Variants in CACNA1E observed in about 807,000 individuals in gnomAD.
CACNA1E encodes the protein voltage-dependent R-type calcium channel subunit alpha-1E.
In CACNA1E, 40 loss-of-function variants were observed where a neutral mutation model predicts 259.2. That is an observed-to-expected ratio of 0.15 (90% CI 0.12 to 0.20). CACNA1E has a LOEUF of 0.20. Ranked by LOEUF, CACNA1E falls within the 10% of genes least tolerant of loss-of-function variation. The pLI, the probability that CACNA1E is intolerant of heterozygous loss-of-function variation, is 1.00. For missense variants in CACNA1E, 1,874 were observed against 3,040.1 expected (o/e 0.62, Z 9.02); for synonymous variants, 1,104 against 1,138.5 (o/e 0.97, Z 0.61).
At chr1:181,531,567 G>T (rs1402222471) in intron 3 of CACNA1E, among the ~76,000 whole-genome samples, 5 of 152,220 alleles carry the variant, frequency 3.3e-5, no homozygotes. Context: ...GCTGGGCAGG[G>T]CGGGAGGTAT....
upstream of CACNA1E, among the ~76,000 whole-genome samples, chr1:181,479,158 C>T (rs578173716): frequency 1.3e-5 from 2 of 152,282 alleles, no homozygotes; most frequent in East Asian, 3.9e-4. Context: ...TGTGGGGCTG[C>T]ACTTTCCAAC....
chr1:181,437,398 G>A (rs1381617399), intron 2 of CACNA1E, among the ~76,000 whole-genome samples: 3 of 151,720 alleles, frequency 2.0e-5, no homozygotes, highest in Admixed American at 6.6e-5. Flanking sequence ...TACCTCATAC[G>A]CCTCTTTATC....
intron 7 of CACNA1E, among the ~76,000 whole-genome samples, chr1:181,686,284 T>TGTTTTTTTTTG (rs1650547329): frequency 8.2e-6 from 1 of 122,522 alleles, no homozygotes; most frequent in Non-Finnish European, 1.7e-5. Context: ...AGTTTTTTTT[T>TGTTTTTTTTTG]TTTTTTTTTT....
At chr1:181,784,876 T>C in intron 41 of CACNA1E, 108 bp downstream of exon 41, 1 of 678,420 alleles carries the variant, frequency 1.5e-6, no homozygotes, top group Non-Finnish European at 2.6e-6. Flanking sequence ...GTTTGCCCTT[T>C]TCAATTAATA....
At chr1:181,454,149 AT>A (rs1661319022) in intron 2 of CACNA1E, among the ~76,000 whole-genome samples, 1 of 152,154 alleles carries the variant, frequency 6.6e-6, no homozygotes, top group South Asian at 2.1e-4. Flanking sequence ...CAAGGGCTTC[AT>A]GGTGGGATCA....
At chr1:181,627,698 T>C (rs1656326301) in intron 6 of CACNA1E, among the ~76,000 whole-genome samples, 1 of 152,188 alleles carries the variant, frequency 6.6e-6, no homozygotes, top group Non-Finnish European at 1.5e-5. Context: ...GTGTTCTTAA[T>C]TATTACAAAT....
intron 40 of CACNA1E, 64 bp from the exon 41 acceptor site, chr1:181,784,597 C>T (rs952220028): frequency 1.8e-6 from 2 of 1,121,456 alleles, no homozygotes; most frequent in Middle Eastern, 2.0e-4. Flanking sequence ...CTACCTTCAC[C>T]TCCTCCCTCA....
At chr1:181,718,879 C>T (rs1297880800) in intron 12 of CACNA1E, among the ~76,000 whole-genome samples, 1 of 152,150 alleles carries the variant, frequency 6.6e-6, no homozygotes, top group Admixed American at 6.5e-5. Flanking sequence ...TAGAAGCTAC[C>T]GTGCCCAAGT....
intron 1 of CACNA1E, among the ~76,000 whole-genome samples, chr1:181,327,857 T>A (rs1320235218): frequency 2.0e-5 from 3 of 152,186 alleles, no homozygotes; most frequent in Non-Finnish European, 4.4e-5. Context: ...TTCTCACAAT[T>A]CTGTGGGTTG....
chr1:181,715,455 T>G, intron 9 of CACNA1E, 64 bp downstream of exon 9: 3 of 889,638 alleles, frequency 3.4e-6, no homozygotes, highest in Non-Finnish European at 5.5e-6. Flanking sequence ...TGGCAATCTC[T>G]GTTATTCAAA....
rs1490394862 is a variant in CACNA1E, at chr1:181,807,606, A to C, written c.*8772A>C. 6.6e-6 allele frequency: 1 copy of C among 151,842 alleles called. No individual in the cohort carries two copies. Among genetic ancestry groups the C allele is most frequent in the East Asian group, 1.9e-4 (1 of 5,166 alleles). 9.4% of individuals were successfully genotyped at this position (151,842 alleles called of 1,614,324 possible). On this transcript the variant is annotated 3_prime_UTR_variant, in exon 48 of 48. Transcript: ENST00000367573. ...TCCTAGTGTTAATTATTTTAATCTG[A>C]GCAACGCTTTTATCAATTAGATAGA...
chr1:181,545,819 A>T (rs745681838), intron 3 of CACNA1E, among the ~76,000 whole-genome samples: 2 of 151,958 alleles, frequency 1.3e-5, no homozygotes, highest in Non-Finnish European at 1.5e-5. Context: ...AAGATGATTT[A>T]TTTTTTTCTT....
At chr1:181,391,941 C>CTG (rs1168690866) in intron 1 of CACNA1E, among the ~76,000 whole-genome samples, 2 of 116,842 alleles carry the variant, frequency 1.7e-5, no homozygotes, top group African/African-American at 7.9e-5. Flanking sequence ...CTCTCTCTCT[C>CTG]TCTCTGTGTG....
At chr1:181,657,462 G>T (rs1247825928) in intron 7 of CACNA1E, among the ~76,000 whole-genome samples, 1 of 152,174 alleles carries the variant, frequency 6.6e-6, no homozygotes, top group Non-Finnish European at 1.5e-5. Flanking sequence ...TGCCTCTGGG[G>T]AGTGAAATTC....
intron 25 of CACNA1E, 92 bp downstream of exon 25, chr1:181,739,345 A>T: frequency 4.5e-6 from 4 of 882,684 alleles, no homozygotes; most frequent in Non-Finnish European, 7.5e-6. Flanking sequence ...TGCAACATGC[A>T]GGGTGATGCC....
intron 1 of CACNA1E, among the ~76,000 whole-genome samples, chr1:181,409,745 G>C (rs1657716073): frequency 6.6e-6 from 1 of 152,070 alleles, no homozygotes; most frequent in African/African-American, 2.4e-5. Context: ...AGACCCTCCT[G>C]GTGAACATTT....
At chr1:181,747,330 G>A (rs1251591398) in intron 25 of CACNA1E, among the ~76,000 whole-genome samples, 1 of 152,268 alleles carries the variant, frequency 6.6e-6, no homozygotes, top group Admixed American at 6.5e-5. Flanking sequence ...AGGGGGCTGG[G>A]AGGTGAAGAG....
intron 6 of CACNA1E, among the ~76,000 whole-genome samples, chr1:181,650,352 A>G (rs1032820930): frequency 1.1e-4 from 16 of 152,322 alleles, no homozygotes; most frequent in African/African-American, 3.8e-4. Flanking sequence ...TAGAGATAAA[A>G]TATCTGTTGT....
intron 6 of CACNA1E, among the ~76,000 whole-genome samples, chr1:181,589,516 A>G (rs1336272349): frequency 6.6e-6 from 1 of 152,098 alleles, no homozygotes; most frequent in East Asian, 1.9e-4. Context: ...GAGATATACA[A>G]GCAGAGATCT....
Sources: allele counts gnomAD v4.1 joint callset (sites outside exome capture counted in the v4.1 genomes callset), GRCh38; gene constraint gnomAD v4.1.1; transcripts MANE v1.5; gene names NCBI Gene and HGNC (gene_info 2026-07-23, HGNC 2026-07-21).